SUSD1: variants seen among roughly 807,000 people sequenced by gnomAD.
SUSD1 encodes sushi domain-containing protein 1.
Under a neutral mutation model 86.9 loss-of-function variants are expected in SUSD1, and 65 were observed. That is an observed-to-expected ratio of 0.75 (90% CI 0.61 to 0.92). The LOEUF is 0.92. SUSD1 is among the 40% of genes least tolerant of loss of function. The probability of loss-of-function intolerance (pLI) is 0.00; values close to 1 mark genes in which losing one functional copy is unlikely to be tolerated. For missense variants in SUSD1, 850 were observed against 929.7 expected, an observed-to-expected ratio of 0.91 and a Z score of 1.11; for synonymous variants, 346 against 350.0, an observed-to-expected ratio of 0.99 and a Z score of 0.13.
intron 12 of SUSD1, among the ~76,000 whole-genome samples, chr9:112,077,549 G>C (rs1205560498): frequency 1.7e-5 from 1 of 59,756 alleles, no homozygotes; most frequent in East Asian, 6.5e-4. Flanking sequence ...TTTTGCTCTT[G>C]TTGCCTAGGC....
At chr9:112,108,350 G>T (rs182766481) in intron 8 of SUSD1, among the ~76,000 whole-genome samples, 1 of 152,064 alleles carries the variant, frequency 6.6e-6, no homozygotes, top group South Asian at 2.1e-4. Flanking sequence ...AAACAGAAAC[G>T]AATGAAAATA....
intron 12 of SUSD1, among the ~76,000 whole-genome samples, chr9:112,068,713 AAAAAT>A (rs1165541509): frequency 6.8e-6 from 1 of 146,230 alleles, no homozygotes; most frequent in African/African-American, 2.7e-5. Context: ...AAAAAAAAAA[AAAAAT>A]ATTTTTAGCC....
At chr9:112,045,637 C>CTTG (rs1827924872) in intron 15 of SUSD1, among the ~76,000 whole-genome samples, 1 of 152,178 alleles carries the variant, frequency 6.6e-6, no homozygotes, top group Non-Finnish European at 1.5e-5. Context: ...CAGGGATACA[C>CTTG]AAGCCATCAC....
At chr9:112,139,699 A>G (rs1832473733) in intron 5 of SUSD1, among the ~76,000 whole-genome samples, 1 of 151,982 alleles carries the variant, frequency 6.6e-6, no homozygotes, top group African/African-American at 2.4e-5. Flanking sequence ...ATCTGGCCAC[A>G]TCGTTATTTA....
intron 15 of SUSD1, 44 bp downstream of exon 15, chr9:112,052,355 G>A (rs1297814989): frequency 6.2e-7 from 1 of 1,613,572 alleles, no homozygotes; most frequent in East Asian, 2.2e-5. Context: ...TGATGCTGCA[G>A]AAAAGAAATA....
At chr9:112,092,420 T>G (rs1830239650) in intron 10 of SUSD1, among the ~76,000 whole-genome samples, 1 of 152,232 alleles carries the variant, frequency 6.6e-6, no homozygotes, top group Non-Finnish European at 1.5e-5. Flanking sequence ...ATTCTTAATG[T>G]TGAAAAAGAA....
At chr9:112,054,509 C>T (rs934494532) in intron 14 of SUSD1, among the ~76,000 whole-genome samples, 5 of 152,010 alleles carry the variant, frequency 3.3e-5, no homozygotes, top group African/African-American at 1.2e-4. Context: ...ATCACCTGAG[C>T]CCAGGAGGTC....
chr9:112,173,997 G>A (rs563333323), intron 1 of SUSD1: 149 of 181,248 alleles, frequency 8.2e-4, no homozygotes, highest in Non-Finnish European at 1.0e-3. Flanking sequence ...TGTGGCTCCC[G>A]AAGCGCCTAG....
chr9:112,086,007 TTAAATTACTG>T (rs1328824255), intron 10 of SUSD1, among the ~76,000 whole-genome samples: 1 of 151,760 alleles, frequency 6.6e-6, no homozygotes, highest in Non-Finnish European at 1.5e-5. Context: ...ATTACAAACT[TTAAATTACTG>T]TTAAGGCCGG....
At chr9:112,086,247 G>A (rs148259947) in intron 10 of SUSD1, among the ~76,000 whole-genome samples, 247 of 151,122 alleles carry the variant, frequency 1.6e-3, no homozygotes, top group African/African-American at 5.2e-3. Context: ...GAGCCCAGGA[G>A]GTCAAAGCTG....
At chr9:112,100,486 A>G (rs1830588258) in intron 9 of SUSD1, among the ~76,000 whole-genome samples, 2 of 150,874 alleles carry the variant, frequency 1.3e-5, no homozygotes, top group South Asian at 4.3e-4. Flanking sequence ...ACGCCTGGCC[A>G]ATTCCTACTT....
chr9:112,093,033 A>G (rs1830263937), intron 10 of SUSD1, among the ~76,000 whole-genome samples: 1 of 152,184 alleles, frequency 6.6e-6, no homozygotes. Flanking sequence ...ACCTAAAAGT[A>G]ATTTAAATTG....
In SUSD1 at chr9:112,041,307, G is replaced by A. The variant is rs1827724002; in HGVS notation, c.*185C>T. ...AGAATTCCTGAGTTTTCTCCTTATGGTGACTCCTCAGGGATAGCCACCATC... is the reference window on the plus strand; with the variant it reads ...AGAATTCCTGAGTTTTCTCCTTATGATGACTCCTCAGGGATAGCCACCATC... On this transcript the variant is annotated 3_prime_UTR_variant, in exon 17 of 17. Coordinates refer to ENST00000374270, the MANE Select transcript of SUSD1 (RefSeq NM_022486.5). 3 of 642,796 alleles carry A rather than the reference G, an allele frequency of 4.7e-6. No homozygotes were observed. The South Asian group carries it at 5.3e-5, about 11-fold the overall frequency. 39.8% of individuals were successfully genotyped at this position (642,796 alleles called of 1,614,324 possible).
In SUSD1 at chr9:112,041,957, G is replaced by T; in HGVS notation, c.2153C>A (p.Ser718Ter). 1 of 1,613,732 alleles carries T rather than the reference G, an allele frequency of 6.2e-7. No individual in the cohort carries two copies. Among genetic ancestry groups the T allele is most frequent in the African/African-American group, 1.3e-5 (1 of 75,042 alleles). Residue 718 changes from serine (S) to a stop codon, truncating the protein, a stop_gained, in exon 16 of 17, where the codon TCG (serine) becomes TAG (stop). Coordinates refer to ENST00000374270, the MANE Select transcript of SUSD1 (RefSeq NM_022486.5). LOFTEE classifies it high-confidence loss of function. ...CGCCATCTGCAGCAGCATGAGTGAC[G>T]AATCTGTGGGACAAAACCACAGGCT... ...SCAVWAQVKD[S>*]SLMLLQMAGV... is the part of the protein sequence containing the mutation.
chr9:112,112,738 T>C (rs1831156484), intron 7 of SUSD1, 33 bp downstream of exon 7: 1 of 1,456,122 alleles, frequency 6.9e-7, no homozygotes. Flanking sequence ...GACGTGTCTG[T>C]CCTAGCAGGA....
chr9:112,078,809 C>CTATTTTT, intron 11 of SUSD1, 85 bp from the exon 12 acceptor site: 22 of 829,672 alleles, frequency 2.7e-5, no homozygotes, highest in Non-Finnish European at 3.6e-5. Flanking sequence ...CTTTTTCTTT[C>CTATTTTT]TCTTTTTTTT....
chr9:112,173,695 C>T (rs909242488), intron 1 of SUSD1: 3 of 429,802 alleles, frequency 7.0e-6, no homozygotes, highest in African/African-American at 4.1e-5. Flanking sequence ...AGGTGGGCAA[C>T]GTAGGCAAGA....
intron 10 of SUSD1, among the ~76,000 whole-genome samples, chr9:112,089,544 G>A (rs1278261510): frequency 1.3e-5 from 2 of 152,122 alleles, no homozygotes; most frequent in African/African-American, 4.8e-5. Context: ...AACTGGCCAG[G>A]TGCGGTGGCT....
chr9:112,130,824 A>C (rs1182010688), intron 5 of SUSD1, among the ~76,000 whole-genome samples: 2 of 150,306 alleles, frequency 1.3e-5, no homozygotes, highest in Admixed American at 1.3e-4. Context: ...CAGGAGTTCA[A>C]GAGCAGCCTG....
Sources: gnomAD v4.1 joint callset for allele counts (sites outside exome capture counted in the v4.1 genomes callset) on GRCh38, gnomAD v4.1.1 for gene constraint, MANE v1.5 for transcripts, NCBI Gene and HGNC (gene_info 2026-07-23, HGNC 2026-07-21) for gene names.